HERC1: variants seen among roughly 807,000 people sequenced by gnomAD.
HERC1 encodes probable E3 ubiquitin-protein ligase HERC1.
HERC1 carries 160 observed loss-of-function variants against 554.3 expected under a neutral mutation model. The observed-to-expected ratio is 0.29, with a 90% CI of 0.25 to 0.33. The LOEUF is 0.33. HERC1 is among the 10% of genes least tolerant of loss of function. The pLI is 1.00. For synonymous variants in HERC1, 2,175 were observed against 2,131.7 expected (o/e 1.02, Z -0.56); for missense variants, 4,919 against 5,918.5 (o/e 0.83, Z 5.54).
intron 75 of HERC1, 44 bp downstream of exon 75, chr15:63,616,386 T>C (rs1363337110): frequency 2.5e-6 from 4 of 1,586,566 alleles, no homozygotes; most frequent in Non-Finnish European, 1.7e-6. Flanking sequence ...TCTGTGCATA[T>C]AGGACGTCAA....
At chr15:63,632,228 T>C (rs2068593147) in intron 68 of HERC1, 1 of 168,266 alleles carries the variant, frequency 5.9e-6, no homozygotes, top group Non-Finnish European at 1.3e-5. Context: ...CTGTCTCACA[T>C]ATCCCTAAAC....
In HERC1 at chr15:63,806,011, G is replaced by A. The variant is rs546727801; in HGVS notation, c.-27+27816C>T. Among the ~76,000 whole-genome samples, 4 of 151,146 alleles carry A rather than the reference G, an allele frequency of 2.6e-5. No homozygotes were observed. In the East Asian group the frequency reaches 5.8e-4, roughly 22 times the overall value. ...CCCTGCCTCTTGTCCACCCAATGCTGGTATTCCCAAAAGTTCTAGAACCTC... is the reference window on the plus strand; with the variant it reads ...CCCTGCCTCTTGTCCACCCAATGCTAGTATTCCCAAAAGTTCTAGAACCTC... On this transcript the variant is annotated intron_variant, in intron 1 of 77. Transcript: ENST00000443617.
chr15:63,713,553 A>G lies in HERC1; in HGVS notation c.4263T>C (p.Ser1421=). The change falls in exon 23 of 78, where the codon TCT becomes TCC. Residue 1421 remains serine, a synonymous_variant. Transcript: ENST00000443617. Reference sequence around the variant, plus strand: ...CTGTGCTGACCCTTCGCTCTTGCTGAGACTGAGGAGGTGGATCATCAGCTC... The same window carrying G: ...CTGTGCTGACCCTTCGCTCTTGCTGGGACTGAGGAGGTGGATCATCAGCTC... ...GARADDPPPQ[S]QQERRVSTDL... is the part of the protein sequence containing the mutation. 2 of 1,613,936 alleles carry G rather than the reference A, an allele frequency of 1.2e-6. No homozygotes were observed. Among genetic ancestry groups the G allele is most frequent in the Non-Finnish European group, 1.7e-6 (2 of 1,179,874 alleles).
At chr15:63,650,055 A>AT in intron 53 of HERC1, 130 bp from the exon 54 acceptor site, 1 of 644,336 alleles carries the variant, frequency 1.6e-6, no homozygotes. Flanking sequence ...CTACTAATGA[A>AT]TAAGACCATG....
At chr15:63,762,548 C>T (rs1356148416) in intron 3 of HERC1, among the ~76,000 whole-genome samples, 2 of 152,136 alleles carry the variant, frequency 1.3e-5, no homozygotes, top group African/African-American at 4.8e-5. Flanking sequence ...TGGTCTCGAA[C>T]TCCTGACCTC....
rs372697483 is a variant in HERC1, at chr15:63,751,468, T to C, written c.1902+1490A>G. ...CATATCCCATTAAGTGACACATCAC[T>C]GTAATACTGTCACTCAGTAAGGCCT... is the stretch of plus-strand genomic sequence containing the variant. On this transcript the variant is annotated intron_variant, in intron 8 of 77. Coordinates refer to ENST00000443617, the MANE Select transcript of HERC1 (RefSeq NM_003922.4). 1.1e-4 allele frequency among the ~76,000 whole-genome samples: 17 copies of C among 152,314 alleles called. No homozygotes were observed. The East Asian group carries it at 2.7e-3, about 24-fold the overall frequency.
intron 1 of HERC1, among the ~76,000 whole-genome samples, chr15:63,792,019 A>T (rs2076667858): frequency 6.6e-6 from 1 of 152,140 alleles, no homozygotes. Context: ...AACTGATTTA[A>T]TTTTTCATTT....
chr15:63,675,756 T>G (rs1181419857), intron 37 of HERC1, among the ~76,000 whole-genome samples: 1 of 152,178 alleles, frequency 6.6e-6, no homozygotes, highest in African/African-American at 2.4e-5. Flanking sequence ...GATATAATTA[T>G]ACAAAATGTA....
At chr15:63,733,784 T>A (rs1003603102) in intron 13 of HERC1, among the ~76,000 whole-genome samples, 13 of 152,098 alleles carry the variant, frequency 8.5e-5, no homozygotes, top group African/African-American at 3.1e-4. Context: ...CCCAAGAGGT[T>A]GAGGCTACAG....
chr15:63,636,516 C>T (rs1029488596), intron 64 of HERC1, among the ~76,000 whole-genome samples: 1 of 152,048 alleles, frequency 6.6e-6, no homozygotes, highest in African/African-American at 2.4e-5. Context: ...AGTGATCCGC[C>T]CACCTCGGCC....
In HERC1 at chr15:63,749,467, T is replaced by C; in HGVS notation, c.2119A>G (p.Thr707Ala). The C allele has an allele frequency of 6.2e-7, 1 of 1,613,762 alleles. No homozygotes were observed. Among genetic ancestry groups the C allele is most frequent in the Non-Finnish European group, 8.5e-7 (1 of 1,179,678 alleles). The part of the protein sequence containing the change: ...CGQGNSTGPI[T>A]KPKKVSGLDG... The stretch of plus-strand genomic sequence containing the variant: ...AAGCCACTCACTTTCTTTGGTTTAG[T>C]AATAGGACCTGTGGAATTTCCCTGA... Residue 707 changes from threonine (T) to alanine (A), a missense_variant, in exon 10 of 78, where the codon ACT becomes GCT. Physicochemically the swap from Thr to Ala is moderately conservative, Grantham distance 58. This residue lies in a region of HERC1 where 744 missense variants were observed against 1,090.0 expected (regional missense o/e 0.68). Coordinates refer to ENST00000443617, the MANE Select transcript of HERC1 (RefSeq NM_003922.4). The surrounding 1 kb of genome is among the most constrained non-coding windows in gnomAD (Gnocchi z 4.1).
chr15:63,699,963 A>G (rs538284109), intron 25 of HERC1, among the ~76,000 whole-genome samples: 14 of 152,268 alleles, frequency 9.2e-5, no homozygotes, highest in African/African-American at 3.4e-4. Context: ...GCATGGCCCA[A>G]TTTTGAAATC....
intron 12 of HERC1, among the ~76,000 whole-genome samples, chr15:63,745,623 C>T (rs551136585): frequency 2.0e-5 from 3 of 152,328 alleles, no homozygotes; most frequent in African/African-American, 7.2e-5. Context: ...ACTGCCACTG[C>T]TGCAGGGGGA....
intron 3 of HERC1, among the ~76,000 whole-genome samples, chr15:63,763,824 T>G (rs1398218737): frequency 6.6e-6 from 1 of 152,196 alleles, no homozygotes; most frequent in Admixed American, 6.5e-5. Flanking sequence ...TATGCTTTTC[T>G]ATGTGTTTTA....
rs2140320094 is a variant in HERC1 at position 63,716,418 on chromosome 15, C to A, written c.4034G>T (p.Arg1345Leu). 6.2e-7 allele frequency: 1 copy of A among 1,613,712 alleles called. No individual in the cohort carries two copies. Among genetic ancestry groups the A allele is most frequent in the East Asian group, 2.2e-5 (1 of 44,856 alleles). The change falls in exon 22 of 78, where the codon CGA becomes CTA. Residue 1345 changes from arginine to leucine, a missense_variant. By Grantham distance (102) the Arg-to-Leu change is moderately radical. Transcript: ENST00000443617. ...DVDPQEHSFT[R>L]TIDEEAEMEE... is the part of the protein sequence containing the mutation. ...CATTTCAGCTTCTTCATCAATAGTT[C>A]GAGTAAATGAATGCTCCTGAGGATC...
chr15:63,768,455 T>A (rs1051245426), intron 2 of HERC1, among the ~76,000 whole-genome samples: 3 of 152,232 alleles, frequency 2.0e-5, no homozygotes, highest in Non-Finnish European at 4.4e-5. Flanking sequence ...AAGTAACTAG[T>A]CCCTAGACAT....
At chr15:63,669,785 C>G in intron 39 of HERC1, 87 bp from the exon 40 acceptor site, 2 of 1,226,854 alleles carry the variant, frequency 1.6e-6, no homozygotes, top group Non-Finnish European at 2.3e-6. Context: ...GAATATGCAA[C>G]CTGGAAGACT....
intron 1 of HERC1, among the ~76,000 whole-genome samples, chr15:63,813,536 T>C (rs2077399239): frequency 6.6e-6 from 1 of 151,930 alleles, no homozygotes; most frequent in Non-Finnish European, 1.5e-5. Flanking sequence ...GAAAAAACAA[T>C]AAAATGAAGA....
chr15:63,749,575 G>C lies in HERC1; in HGVS notation c.2048-37C>G. 6.4e-7 allele frequency: 1 copy of C among 1,571,934 alleles called. No homozygotes were observed. On this transcript the variant is annotated intron_variant, in intron 9 of 77. Transcript: ENST00000443617. This position sits in a 1 kb window ranked among gnomAD's most constrained non-coding sequence, Gnocchi z 4.1. ...ATATAAAGTATTATATAAAAGAAAA[G>C]CCAAATTCAAATGTAATATATTTAC... is the stretch of plus-strand genomic sequence containing the variant.
Sources: gnomAD v4.1 joint callset for allele counts (sites outside exome capture counted in the v4.1 genomes callset) on GRCh38, gnomAD v4.1.1 for gene constraint, gnomAD v4.1.1 regional missense constraint, Gnocchi (gnomAD v3.1) non-coding constraint, MANE v1.5 for transcripts, NCBI Gene and HGNC (gene_info 2026-07-23, HGNC 2026-07-21) for gene names.